Variants in DST observed in about 807,000 individuals in gnomAD.
DST encodes bullous pemphigoid antigen.
A neutral mutation model predicts 875.2 loss-of-function variants in DST; 253 were observed. The ratio of observed to expected loss-of-function variants is 0.29; its 90% CI spans 0.26 to 0.32. DST has a LOEUF of 0.32. Ranked by LOEUF, DST falls within the 10% of genes least tolerant of loss-of-function variation. The pLI, the probability that DST is intolerant of heterozygous loss-of-function variation, is 1.00. For synonymous variants in DST, 3,124 were observed against 3,197.1 expected, an observed-to-expected ratio of 0.98 and a Z score of 0.77; for missense variants, 8,287 against 9,111.6, an observed-to-expected ratio of 0.91 and a Z score of 3.68.
In DST at chr6:56,670,793, A is replaced by G. The variant is rs1397772233; in HGVS notation, c.1062T>C (p.His354=). Reference sequence around the variant, plus strand: ...ACATATCCTCTGACTCTCCAGTAACATGGATATCAGATATCTAGATATAAC... The same window carrying G: ...ACATATCCTCTGACTCTCCAGTAACGTGGATATCAGATATCTAGATATAAC... ...IILHFQISDI[H]VTGESEDMSA... Residue 354 remains histidine, a synonymous_variant, in exon 10 of 104, where the codon CAT becomes CAC. Coordinates refer to ENST00000680361, the MANE Select transcript of DST (RefSeq NM_001374736.1). 6.3e-6 allele frequency: 10 copies of G among 1,594,934 alleles called. No homozygotes were observed. The East Asian group carries it at 2.0e-4, about 33-fold the overall frequency.
intron 87 of DST, 42 bp downstream of exon 87, chr6:56,487,062 G>A: frequency 6.3e-7 from 1 of 1,589,034 alleles, no homozygotes; most frequent in Middle Eastern, 1.7e-4. Flanking sequence ...GTATTTGAAA[G>A]AGGTCTACAG....
intron 34 of DST, among the ~76,000 whole-genome samples, chr6:56,626,617 AC>A (rs2098737309): frequency 6.6e-6 from 1 of 152,188 alleles, no homozygotes; most frequent in Non-Finnish European, 1.5e-5. Context: ...TTGCTAAACA[AC>A]ACATGACTGT....
chr6:56,537,051 G>T (rs1200113095), intron 61 of DST, 111 bp from the exon 62 acceptor site: 2 of 914,766 alleles, frequency 2.2e-6, no homozygotes, highest in Non-Finnish European at 1.6e-6. Flanking sequence ...TTATTACAGA[G>T]GTAAAGATAA....
intron 61 of DST, among the ~76,000 whole-genome samples, chr6:56,551,517 C>T (rs968184594): frequency 2.6e-5 from 4 of 152,136 alleles, no homozygotes; most frequent in East Asian, 1.9e-4. Flanking sequence ...TCCAATGACA[C>T]GGAAACTGGC....
At chr6:56,785,048 G>A (rs903491933) in intron 4 of DST, among the ~76,000 whole-genome samples, 3 of 152,280 alleles carry the variant, frequency 2.0e-5, no homozygotes, top group African/African-American at 2.4e-5. Flanking sequence ...GCGGATTTTC[G>A]TGATCCGCGA....
intron 7 of DST, 36 bp downstream of exon 7, chr6:56,703,612 C>T (rs2152881148): frequency 7.1e-6 from 6 of 839,680 alleles, no homozygotes; most frequent in East Asian, 1.2e-4. Flanking sequence ...CGCATGGGAA[C>T]GGCTAGGTTA....
rs370428455 is a variant in DST at position 56,605,918 on chromosome 6, C to G, written c.8710G>C (p.Gly2904Arg). 8 of 1,612,526 alleles carry G rather than the reference C, an allele frequency of 5.0e-6. No individual in the cohort carries two copies. In the African/African-American group the frequency reaches 9.4e-5, roughly 19 times the overall value. ...TTCAACAGATTTTCTTTGCTTTTTC[C>G]AGCAATCTCAGTTGTATATTCTGGA... ...NLPEYTTEIA[G>R]KSKENLLNHE... Residue 2904 changes from glycine to arginine, a missense_variant, in exon 40 of 104, where the codon GGA becomes CGA. By Grantham distance (125) the Gly-to-Arg change is moderately radical. Around this residue, in one of 10 missense-constraint regions of DST, gnomAD observed 3,138 missense variants for 3,116.6 expected, o/e 1.01. Coordinates refer to ENST00000680361, the MANE Select transcript of DST (RefSeq NM_001374736.1).
chr6:56,916,753 A>ATCTCTCTCTCTCTCTCTCTC (rs70989741), intron 2 of DST, among the ~76,000 whole-genome samples: 7 of 95,414 alleles, frequency 7.3e-5, no homozygotes, highest in African/African-American at 3.3e-4. Flanking sequence ...CTCTCTCTCT[A>ATCTCTCTCTCTCTCTCTCTC]TCTCTCTCTC....
rs781685969 is a variant in DST, at chr6:56,603,556, A to G, written c.10941+8T>C. The stretch of plus-strand genomic sequence containing the variant: ...ACCATCCATAAAGAGGCAGTAGACA[A>G]TTCTTACCTCCAACTGTCTAAGTTG... On this transcript the variant is annotated splice_region_variant and intron_variant, in intron 41 of 103. Coordinates refer to ENST00000680361, the MANE Select transcript of DST (RefSeq NM_001374736.1). 8 of 1,603,202 alleles carry G rather than the reference A, an allele frequency of 5.0e-6. No homozygotes were observed. In the Admixed American group the frequency reaches 1.0e-4, roughly 21 times the overall value.
chr6:56,906,305 A>G (rs950061150), intron 2 of DST, among the ~76,000 whole-genome samples: 6 of 152,184 alleles, frequency 3.9e-5, no homozygotes, highest in African/African-American at 1.2e-4. Flanking sequence ...TTTTCCCTTT[A>G]ACGAAAAGCA....
chr6:56,487,870 A>C (rs2095616060), intron 86 of DST, among the ~76,000 whole-genome samples: 1 of 152,212 alleles, frequency 6.6e-6, no homozygotes, highest in South Asian at 2.1e-4. Flanking sequence ...ATATAATGGA[A>C]ACATTAATAC....
intron 2 of DST, among the ~76,000 whole-genome samples, chr6:56,944,503 G>A (rs1818399400): frequency 6.6e-6 from 1 of 151,968 alleles, no homozygotes; most frequent in Non-Finnish European, 1.5e-5. Flanking sequence ...AGGTGTATGA[G>A]AAAAGAGAGG....
chr6:56,546,361 T>TATATATATTTC (rs1225440359), intron 61 of DST, among the ~76,000 whole-genome samples: 1 of 121,984 alleles, frequency 8.2e-6, no homozygotes, highest in African/African-American at 3.1e-5. Context: ...TATATATATA[T>TATATATATTTC]ATATATATAT....
intron 9 of DST, among the ~76,000 whole-genome samples, chr6:56,672,130 C>T (rs1421830749): frequency 6.6e-6 from 1 of 152,174 alleles, no homozygotes; most frequent in Non-Finnish European, 1.5e-5. Flanking sequence ...AGACAGGAAG[C>T]CCTTTATTCC....
At chr6:56,813,658 C>A (rs2099763360) in intron 4 of DST, among the ~76,000 whole-genome samples, 1 of 152,086 alleles carries the variant, frequency 6.6e-6, no homozygotes, top group African/African-American at 2.4e-5. Flanking sequence ...TTCAGAAAAA[C>A]ATTCTTTTAA....
intron 47 of DST, among the ~76,000 whole-genome samples, chr6:56,596,836 T>G (rs905450989): frequency 6.6e-6 from 1 of 152,222 alleles, no homozygotes; most frequent in Non-Finnish European, 1.5e-5. Flanking sequence ...TATAGTAGCA[T>G]TAATGTTAGC....
chr6:56,562,241 T>C (rs1381964918), intron 55 of DST, 41 bp from the exon 56 acceptor site: 1 of 1,389,042 alleles, frequency 7.2e-7, no homozygotes, highest in Admixed American at 2.2e-5. Context: ...AGTTTCATAG[T>C]ATTTCTATAC....
Position 56,508,885 on chromosome 6 carries a change from T to C in DST, c.19013-130A>G, listed in dbSNP as rs1346259897. 4 of 683,214 alleles carry C rather than the reference T, an allele frequency of 5.9e-6. No individual in the cohort carries two copies. In the South Asian group the frequency reaches 6.0e-5, roughly 10 times the overall value. The allele number at this position is 683,214 out of a possible 1,614,324, so 42.3% of individuals were successfully genotyped here. ...ATCTAAAACTGGACCAAGTTTTGAA[T>C]GACCCCAGTCCAGTGGATATCAGTG... On this transcript the variant is annotated intron_variant, in intron 74 of 103. Transcript: ENST00000680361.
intron 2 of DST, among the ~76,000 whole-genome samples, chr6:56,911,845 T>A (rs1798920498): frequency 6.6e-6 from 1 of 152,226 alleles, no homozygotes; most frequent in Admixed American, 6.5e-5. Context: ...GGGATCATAG[T>A]GTACACTCAG....
Sources: gnomAD v4.1 joint callset for allele counts (sites outside exome capture counted in the v4.1 genomes callset) on GRCh38, gnomAD v4.1.1 for gene constraint, gnomAD v4.1.1 regional missense constraint, MANE v1.5 for transcripts, NCBI Gene and HGNC (gene_info 2026-07-23, HGNC 2026-07-21) for gene names.